Variants in XKR4 observed in about 807,000 individuals in gnomAD.
XKR4 encodes the protein XK related 4, also known as XK-related protein 4.
In XKR4, 12 loss-of-function variants were observed where a neutral mutation model predicts 53.9. The observed-to-expected ratio is 0.22, with a 90% CI of 0.14 to 0.36. The LOEUF (loss-of-function observed/expected upper bound fraction) is 0.36. XKR4 is among the 10% of genes least tolerant of loss of function. The probability of loss-of-function intolerance (pLI) is 1.00; values close to 1 mark genes in which losing one functional copy is unlikely to be tolerated. For synonymous variants in XKR4, 354 were observed against 362.4 expected (o/e 0.98, Z 0.26); for missense variants, 799 against 859.5 (o/e 0.93, Z 0.88).
chr8:55,251,652 A>G (rs1203003417), intron 1 of XKR4, among the ~76,000 whole-genome samples: 1 of 152,224 alleles, frequency 6.6e-6, no homozygotes, highest in African/African-American at 2.4e-5. Context: ...TCTCTAAACC[A>G]TGAAGGAAGT....
At chr8:55,455,466 T>C (rs535447348) in intron 2 of XKR4, among the ~76,000 whole-genome samples, 41 of 152,252 alleles carry the variant, frequency 2.7e-4, no homozygotes, top group African/African-American at 9.6e-4. Context: ...ACGGAATTCA[T>C]AAACTTTGGT....
At chr8:55,161,586 G>A (rs1339789723) in intron 1 of XKR4, 1 of 456,322 alleles carries the variant, frequency 2.2e-6, no homozygotes, top group East Asian at 6.9e-5. Context: ...CAAGTTGTCT[G>A]CATTTGTTAG....
At chr8:55,254,835 G>T (rs1287428188) in intron 1 of XKR4, among the ~76,000 whole-genome samples, 2 of 152,116 alleles carry the variant, frequency 1.3e-5, no homozygotes, top group Non-Finnish European at 2.9e-5. Flanking sequence ...AAAACTTCCT[G>T]ACTACCAAAG....
intron 1 of XKR4, among the ~76,000 whole-genome samples, chr8:55,112,359 G>C (rs556494908): frequency 3.3e-5 from 5 of 152,120 alleles, no homozygotes; most frequent in Non-Finnish European, 1.5e-5. Context: ...GATCTATAGG[G>C]AACACCACTT....
At chr8:55,331,601 A>C (rs1288166711) in intron 1 of XKR4, among the ~76,000 whole-genome samples, 1 of 152,128 alleles carries the variant, frequency 6.6e-6, no homozygotes, top group Non-Finnish European at 1.5e-5. Flanking sequence ...CATTCTGTCA[A>C]TGCTGCAGAT....
intron 1 of XKR4, among the ~76,000 whole-genome samples, chr8:55,233,999 G>A (rs1369793513): frequency 6.6e-6 from 1 of 152,130 alleles, no homozygotes; most frequent in African/African-American, 2.4e-5. Context: ...GGAGCTCATG[G>A]GTCAGTACCA....
intron 2 of XKR4, among the ~76,000 whole-genome samples, chr8:55,449,303 G>T (rs1480710520): frequency 6.6e-6 from 1 of 152,150 alleles, no homozygotes; most frequent in Non-Finnish European, 1.5e-5. Flanking sequence ...CTCCCGGCAC[G>T]GTGCTCAGCT....
chr8:55,504,543 T>A (rs1344620941), intron 2 of XKR4, among the ~76,000 whole-genome samples: 1 of 152,106 alleles, frequency 6.6e-6, no homozygotes, highest in Admixed American at 6.5e-5. Context: ...AGTGTTTCTA[T>A]CTGGCTTTGG....
chr8:55,330,342 T>C (rs1243834279), intron 1 of XKR4, among the ~76,000 whole-genome samples: 2 of 151,944 alleles, frequency 1.3e-5, no homozygotes, highest in Non-Finnish European at 2.9e-5. Flanking sequence ...ACCTGAAAAA[T>C]TAGAAAAATA....
chr8:55,199,611 G>A (rs143787809), intron 1 of XKR4, among the ~76,000 whole-genome samples: 1 of 152,102 alleles, frequency 6.6e-6, no homozygotes, highest in Non-Finnish European at 1.5e-5. Context: ...TAAGTAACAG[G>A]ATCTGAGCAC....
chr8:55,212,730 T>C (rs549902432), intron 1 of XKR4, among the ~76,000 whole-genome samples: 1 of 152,336 alleles, frequency 6.6e-6, no homozygotes, highest in Admixed American at 6.5e-5. Flanking sequence ...ATTCATGGAA[T>C]TCAGACAGAA....
intron 1 of XKR4, among the ~76,000 whole-genome samples, chr8:55,197,827 G>A (rs1817525411): frequency 6.6e-6 from 1 of 152,180 alleles, no homozygotes. Context: ...ACAGGCGTGA[G>A]CCACCACACC....
chr8:55,253,715 T>C (rs1316894274), intron 1 of XKR4, among the ~76,000 whole-genome samples: 1 of 150,656 alleles, frequency 6.6e-6, no homozygotes, highest in Non-Finnish European at 1.5e-5. Context: ...TCACAGATTA[T>C]TTCATATTTT....
intron 2 of XKR4, among the ~76,000 whole-genome samples, chr8:55,446,311 C>T (rs185314736): frequency 2.6e-5 from 4 of 152,184 alleles, no homozygotes; most frequent in Admixed American, 2.0e-4. Flanking sequence ...AGGGTTTTGG[C>T]GCTGGGAGAC....
intron 2 of XKR4, among the ~76,000 whole-genome samples, chr8:55,373,901 T>C (rs190067123): frequency 3.3e-5 from 5 of 152,164 alleles, no homozygotes; most frequent in Admixed American, 6.5e-5. Context: ...GGAGTGAGTA[T>C]TGAACCTTTC....
chr8:55,123,853 T>A (rs1163049815), intron 1 of XKR4, among the ~76,000 whole-genome samples: 1 of 152,182 alleles, frequency 6.6e-6, no homozygotes, highest in Non-Finnish European at 1.5e-5. Flanking sequence ...GTGATGAAAT[T>A]TGCACCATTT....
intron 2 of XKR4, among the ~76,000 whole-genome samples, chr8:55,447,633 A>G (rs1253504109): frequency 3.9e-5 from 6 of 152,236 alleles, no homozygotes; most frequent in South Asian, 4.1e-4. Context: ...CCACTACTGT[A>G]TAATAGACAG....
At chr8:55,205,364 A>G (rs1434573389) in intron 1 of XKR4, among the ~76,000 whole-genome samples, 1 of 152,226 alleles carries the variant, frequency 6.6e-6, no homozygotes, top group Non-Finnish European at 1.5e-5. Flanking sequence ...ATTTGTTGTC[A>G]TAAAATTAGA....
chr8:55,159,832 C>T lies in XKR4; in HGVS notation c.806+56538C>T, dbSNP rs564085961. On this transcript the variant is annotated intron_variant, in intron 1 of 2. Transcript: ENST00000327381. ...GAAAAGGACTAGCTAGAGATACATG[C>T]GAGGCTAGTTCATCTGTGGTCCTGG... is the stretch of plus-strand genomic sequence containing the variant. Among the ~76,000 whole-genome samples the T allele has an allele frequency of 2.1e-4, 32 of 152,260 alleles. No individual in the cohort carries two copies. In the South Asian group the frequency reaches 4.6e-3, roughly 22 times the overall value.
Sources: allele counts gnomAD v4.1 joint callset (sites outside exome capture counted in the v4.1 genomes callset), GRCh38; gene constraint gnomAD v4.1.1; transcripts MANE v1.5; gene names NCBI Gene and HGNC (gene_info 2026-07-23, HGNC 2026-07-21).